UXS1: variants seen among roughly 807,000 people sequenced by gnomAD.
UXS1 encodes UDP-glucuronic acid decarboxylase 1.
A neutral mutation model predicts 62.6 loss-of-function variants in UXS1; 33 were observed. The observed-to-expected ratio is 0.53, with a 90% CI of 0.40 to 0.70. The LOEUF (loss-of-function observed/expected upper bound fraction) is 0.70, where lower values mean the gene tolerates loss of function less well. UXS1 is among the 30% of genes least tolerant of loss of function. The pLI is 0.00. For missense variants in UXS1, 434 were observed against 556.3 expected, an observed-to-expected ratio of 0.78 and a Z score of 2.21; for synonymous variants, 213 against 206.8, an observed-to-expected ratio of 1.03 and a Z score of -0.26.
intron 5 of UXS1, among the ~76,000 whole-genome samples, chr2:106,153,287 T>C (rs771111223): frequency 1.3e-5 from 2 of 152,186 alleles, no homozygotes; most frequent in Admixed American, 6.5e-5. Flanking sequence ...ACCCACAGCA[T>C]TGTTGAAAAA....
chr2:106,155,545 C>A (rs1682360317), intron 5 of UXS1, among the ~76,000 whole-genome samples: 1 of 152,220 alleles, frequency 6.6e-6, no homozygotes, highest in Non-Finnish European at 1.5e-5. Context: ...AAATACTTAT[C>A]TTTGTTATAA....
At position 106,184,643 on chromosome 2, in the gene UXS1, C is replaced by G. The variant is rs1684450601; in HGVS notation, c.94+9505G>C. Among the ~76,000 whole-genome samples, 6 of 152,166 alleles carry G rather than the reference C, an allele frequency of 3.9e-5. No individual in the cohort carries two copies. In the South Asian group the frequency reaches 1.0e-3, roughly 26 times the overall value. ...AAGGGAGGAATGAACTCCCTTGGGC[C>G]TCTGTTACAAAGACACTATCCCATG... On this transcript the variant is annotated intron_variant, in intron 1 of 14. Coordinates refer to ENST00000283148, the MANE Select transcript of UXS1 (RefSeq NM_001253875.2).
intron 1 of UXS1, among the ~76,000 whole-genome samples, chr2:106,181,295 C>G (rs988091842): frequency 6.6e-6 from 1 of 152,212 alleles, no homozygotes; most frequent in Non-Finnish European, 1.5e-5. Flanking sequence ...AACCTCATCT[C>G]TCTCTGAAAA....
At chr2:106,117,152 C>A (rs1351089867) in intron 9 of UXS1, among the ~76,000 whole-genome samples, 1 of 152,186 alleles carries the variant, frequency 6.6e-6, no homozygotes, top group African/African-American at 2.4e-5. Flanking sequence ...TTCCAGTGGT[C>A]CCAGTGTGAG....
chr2:106,191,323 A>T (rs558840857), intron 1 of UXS1, among the ~76,000 whole-genome samples: 2 of 152,346 alleles, frequency 1.3e-5, no homozygotes, highest in Admixed American at 6.5e-5. Context: ...TTTTTCAAAC[A>T]GTGGTGAGAT....
intron 5 of UXS1, among the ~76,000 whole-genome samples, chr2:106,154,826 C>T (rs11682304): frequency 0.87 from 132,532 of 152,214 alleles, 58,184 homozygotes; most frequent in Non-Finnish European, 0.94. Context: ...GTGGATGGCA[C>T]ATGTATTAGT....
intron 1 of UXS1, among the ~76,000 whole-genome samples, chr2:106,179,140 G>A (rs1684086478): frequency 6.6e-6 from 1 of 152,142 alleles, no homozygotes; most frequent in East Asian, 1.9e-4. Context: ...TCAGGCACAG[G>A]TGAGGCACCC....
intron 10 of UXS1, 96 bp downstream of exon 10, chr2:106,112,550 T>C: frequency 6.6e-7 from 1 of 1,516,002 alleles, no homozygotes; most frequent in Non-Finnish European, 8.9e-7. Flanking sequence ...TTCAGAAGTG[T>C]CACTCCCTGA....
At position 106,166,485 on chromosome 2, in the gene UXS1, G is replaced by A. The variant is rs13396842; in HGVS notation, c.95-402C>T. On this transcript the variant is annotated intron_variant, in intron 1 of 14. Coordinates refer to ENST00000283148, the MANE Select transcript of UXS1 (RefSeq NM_001253875.2). ...AAAAATCCCAGGAAAAAGATAATTGGTTGAGGCAGCTGGGCAGAAACAAAA... is the reference window on the plus strand; with the variant it reads ...AAAAATCCCAGGAAAAAGATAATTGATTGAGGCAGCTGGGCAGAAACAAAA... The A allele has an allele frequency of 4.2e-3, 679 of 163,134 alleles. 9 individuals are homozygous for A. Among genetic ancestry groups the A allele is most frequent in the African/African-American group, 0.016 (667 of 41,622 alleles). 10.1% of individuals were successfully genotyped at this position (163,134 alleles called of 1,614,324 possible).
intron 1 of UXS1, among the ~76,000 whole-genome samples, chr2:106,172,325 C>G (rs906916077): frequency 1.3e-5 from 2 of 152,164 alleles, no homozygotes; most frequent in African/African-American, 4.8e-5. Context: ...GGAGGACTTA[C>G]CCCTTTATTG....
chr2:106,187,484 C>T lies in UXS1; in HGVS notation c.94+6664G>A, dbSNP rs75155623. ...AGGGCAATTGCCGATCATGTGGGAG[C>T]TGATTATATTAAGGGCAAAACTGTA... On this transcript the variant is annotated intron_variant, in intron 1 of 14. Coordinates refer to ENST00000283148, the MANE Select transcript of UXS1 (RefSeq NM_001253875.2). Among the ~76,000 whole-genome samples, 377 of 152,246 alleles carry T rather than the reference C, an allele frequency of 2.5e-3. 2 individuals are homozygous for T. Among genetic ancestry groups the T allele is most frequent in the African/African-American group, 8.4e-3 (351 of 41,542 alleles).
At chr2:106,171,127 A>C (rs1683529427) in intron 1 of UXS1, among the ~76,000 whole-genome samples, 2 of 152,250 alleles carry the variant, frequency 1.3e-5, no homozygotes, top group African/African-American at 4.8e-5. Context: ...TATCAGCTTC[A>C]TAGTTCTCAT....
chr2:106,155,524 C>T (rs1356561902), intron 5 of UXS1, among the ~76,000 whole-genome samples: 2 of 152,184 alleles, frequency 1.3e-5, no homozygotes, highest in Non-Finnish European at 2.9e-5. Flanking sequence ...GTGGCCTACA[C>T]AGATGAACAC....
rs1257856124 is a variant in UXS1 at position 106,143,383 on chromosome 2, TGG to T, written c.472+1805_472+1806del. Among the ~76,000 whole-genome samples the T allele has an allele frequency of 7.3e-3, 775 of 105,830 alleles. 10 individuals are homozygous for T. The highest frequency in any genetic ancestry group is 0.069 in the Admixed American group (492 of 7,138). 69.4% of individuals were successfully genotyped at this position (105,830 alleles called of 152,430 possible). Reference sequence around the variant, plus strand: ...GAGATCGTGCCACTGCACTCCAGCCTGGGCAACAGAGAGAGACTCCGTCTCAA... The same window carrying T: ...GAGATCGTGCCACTGCACTCCAGCCTGCAACAGAGAGAGACTCCGTCTCAA... On this transcript the variant is annotated intron_variant, in intron 6 of 14. Coordinates refer to ENST00000283148, the MANE Select transcript of UXS1 (RefSeq NM_001253875.2).
intron 6 of UXS1, chr2:106,138,604 A>C: frequency 1.0e-6 from 1 of 985,558 alleles, no homozygotes; most frequent in Non-Finnish European, 1.2e-6. Context: ...AGCTGAGAGA[A>C]GAGATGAGCG....
At chr2:106,140,211 G>T (rs1573491119) in intron 6 of UXS1, among the ~76,000 whole-genome samples, 1 of 152,252 alleles carries the variant, frequency 6.6e-6, no homozygotes, top group Non-Finnish European at 1.5e-5. Context: ...TTGCCCGCCA[G>T]TGCTGTCGAC....
At chr2:106,159,593 TATTC>T (rs1305873767) in intron 4 of UXS1, among the ~76,000 whole-genome samples, 1 of 152,226 alleles carries the variant, frequency 6.6e-6, no homozygotes. Flanking sequence ...TTTTAAAAGT[TATTC>T]AGTTAGGAAC....
chr2:106,148,454 C>G (rs577402181), intron 5 of UXS1, among the ~76,000 whole-genome samples: 1 of 152,326 alleles, frequency 6.6e-6, no homozygotes, highest in Admixed American at 6.5e-5. Context: ...CAGTGGCACT[C>G]TAACATTATC....
chr2:106,181,313 C>T (rs1283662222), intron 1 of UXS1, among the ~76,000 whole-genome samples: 3 of 152,232 alleles, frequency 2.0e-5, no homozygotes, highest in Non-Finnish European at 4.4e-5. Context: ...AAACTGCTAA[C>T]AGGCCCCAGC....
Sources: gnomAD v4.1 joint callset for allele counts (sites outside exome capture counted in the v4.1 genomes callset) on GRCh38, gnomAD v4.1.1 for gene constraint, MANE v1.5 for transcripts, NCBI Gene and HGNC (gene_info 2026-07-23, HGNC 2026-07-21) for gene names.